Variants in PDZRN3 observed in about 807,000 individuals in gnomAD.
PDZRN3 encodes E3 ubiquitin-protein ligase PDZRN3.
In PDZRN3, 38 loss-of-function variants were observed where a neutral mutation model predicts 85.7. The ratio of observed to expected loss-of-function variants is 0.44; its 90% CI spans 0.34 to 0.58. The LOEUF (loss-of-function observed/expected upper bound fraction) is 0.58, where lower values mean the gene tolerates loss of function less well. Ranked by LOEUF, PDZRN3 falls within the 20% of genes least tolerant of loss-of-function variation. PDZRN3 has a pLI of 0.01. For missense variants in PDZRN3, 1,629 were observed against 1,506.4 expected, an observed-to-expected ratio of 1.08 and a Z score of -1.35; for synonymous variants, 759 against 638.0, an observed-to-expected ratio of 1.19 and a Z score of -2.86.
At chr3:73,549,369 C>T (rs1701499752) in intron 3 of PDZRN3, among the ~76,000 whole-genome samples, 1 of 152,164 alleles carries the variant, frequency 6.6e-6, no homozygotes, top group Admixed American at 6.5e-5. Flanking sequence ...AGAGAAGTTG[C>T]ATGGCAGGAA....
At chr3:73,553,339 C>A (rs886114959) in intron 3 of PDZRN3, among the ~76,000 whole-genome samples, 1 of 151,932 alleles carries the variant, frequency 6.6e-6, no homozygotes, top group Non-Finnish European at 1.5e-5. Flanking sequence ...TTTGGGAGGC[C>A]GAGGCGGGTG....
intron 3 of PDZRN3, among the ~76,000 whole-genome samples, chr3:73,404,936 G>T (rs1009456625): frequency 2.6e-5 from 4 of 152,200 alleles, no homozygotes; most frequent in Admixed American, 2.0e-4. Flanking sequence ...TATGGAGAAG[G>T]AATTCAAATG....
rs1396716270 is a variant in PDZRN3 at position 73,383,427 on chromosome 3, C to T, written c.3139G>A (p.Gly1047Ser). The change falls in exon 10 of 10, where the codon GGC becomes AGC. Residue 1047 changes from glycine (G) to serine (S), a missense_variant. By Grantham distance (56) the Gly-to-Ser change is moderately conservative. Coordinates refer to ENST00000263666, the MANE Select transcript of PDZRN3 (RefSeq NM_015009.3). ...WMTIQELLTH[G>S]TKSPDGTRVY... ...CTAGTGCCGTCCGGGGATTTTGTGC[C>T]GTGGGTTAAGAGTTCTTGGATCGTC... The T allele has an allele frequency of 7.4e-6, 12 of 1,613,874 alleles. No homozygotes were observed. Among genetic ancestry groups the T allele is most frequent in the East Asian group, 2.2e-5 (1 of 44,896 alleles).
chr3:73,592,773 T>C (rs1391837510), intron 3 of PDZRN3, among the ~76,000 whole-genome samples: 1 of 152,156 alleles, frequency 6.6e-6, no homozygotes, highest in African/African-American at 2.4e-5. Flanking sequence ...CCAGTGAAAG[T>C]GGCATAATTG....
chr3:73,610,060 G>T (rs1702658900), intron 1 of PDZRN3, among the ~76,000 whole-genome samples: 1 of 152,160 alleles, frequency 6.6e-6, no homozygotes, highest in Admixed American at 6.5e-5. Flanking sequence ...CTCACGAGTA[G>T]TTATTATACA....
At chr3:73,462,934 C>A (rs965424426) in intron 3 of PDZRN3, among the ~76,000 whole-genome samples, 2 of 152,194 alleles carry the variant, frequency 1.3e-5, no homozygotes, top group African/African-American at 4.8e-5. Flanking sequence ...CCAGGTCTGT[C>A]TTGCTTCCAA....
At chr3:73,608,798 G>T in intron 1 of PDZRN3, 114 bp from the exon 2 acceptor site, 1 of 672,074 alleles carries the variant, frequency 1.5e-6, no homozygotes, top group Non-Finnish European at 2.6e-6. Flanking sequence ...TACAAATCCT[G>T]TTATCTCTTG....
At chr3:73,586,690 A>C (rs1016837098) in intron 3 of PDZRN3, among the ~76,000 whole-genome samples, 1 of 152,210 alleles carries the variant, frequency 6.6e-6, no homozygotes, top group Non-Finnish European at 1.5e-5. Flanking sequence ...CAGAATCCAG[A>C]GTGCAGGCAA....
At chr3:73,566,762 T>C (rs934083440) in intron 3 of PDZRN3, among the ~76,000 whole-genome samples, 12 of 152,308 alleles carry the variant, frequency 7.9e-5, no homozygotes, top group Non-Finnish European at 1.5e-4. Context: ...CTAGAGCTTC[T>C]TGGAAAGCTC....
At chr3:73,482,838 T>C (rs1230123933) in intron 3 of PDZRN3, among the ~76,000 whole-genome samples, 1 of 152,240 alleles carries the variant, frequency 6.6e-6, no homozygotes, top group Non-Finnish European at 1.5e-5. Context: ...CAACCTGTTG[T>C]TTATTCAGTG....
At chr3:73,460,783 ATTTG>A (rs1703087712) in intron 3 of PDZRN3, among the ~76,000 whole-genome samples, 1 of 152,098 alleles carries the variant, frequency 6.6e-6, no homozygotes, top group East Asian at 1.9e-4. Flanking sequence ...AAACACAGAG[ATTTG>A]TTTTTTATTT....
intron 8 of PDZRN3, among the ~76,000 whole-genome samples, chr3:73,386,601 AAAT>A (rs1701395199): frequency 2.6e-5 from 4 of 152,228 alleles, no homozygotes; most frequent in Non-Finnish European, 5.9e-5. Flanking sequence ...GTATTTTTAT[AAAT>A]AATAATAAAA....
chr3:73,504,620 T>C (rs568420087), intron 3 of PDZRN3, among the ~76,000 whole-genome samples: 1 of 152,314 alleles, frequency 6.6e-6, no homozygotes, highest in South Asian at 2.1e-4. Flanking sequence ...GGTTGGTGAT[T>C]ACAGATCTGA....
intron 3 of PDZRN3, among the ~76,000 whole-genome samples, chr3:73,560,841 T>C (rs1701800952): frequency 6.6e-6 from 1 of 152,176 alleles, no homozygotes; most frequent in Non-Finnish European, 1.5e-5. Context: ...GAAAGCCCCC[T>C]AGGCTCCAGG....
intron 7 of PDZRN3, 128 bp downstream of exon 7, chr3:73,389,688 A>G: frequency 1.4e-6 from 1 of 711,874 alleles, no homozygotes; most frequent in Middle Eastern, 3.0e-4. Flanking sequence ...TGGCCTCACT[A>G]CACATCTGCG....
chr3:73,561,222 T>G (rs1278519292), intron 3 of PDZRN3, among the ~76,000 whole-genome samples: 1 of 152,224 alleles, frequency 6.6e-6, no homozygotes, highest in Admixed American at 6.5e-5. Context: ...GTTTTTACAT[T>G]TGCCAAACTG....
chr3:73,482,412 A>T (rs1703580554), intron 3 of PDZRN3, among the ~76,000 whole-genome samples: 1 of 152,194 alleles, frequency 6.6e-6, no homozygotes, highest in African/African-American at 2.4e-5. Flanking sequence ...TTCTAAAAAA[A>T]ATAGTGGACA....
chr3:73,390,491 G>C (rs557691848), intron 6 of PDZRN3, among the ~76,000 whole-genome samples: 1 of 152,216 alleles, frequency 6.6e-6, no homozygotes, highest in South Asian at 2.1e-4. Flanking sequence ...GCACTGTAAA[G>C]TTTCCATACT....
In PDZRN3 at chr3:73,415,957, G is replaced by C. The variant is rs578032301; in HGVS notation, c.919-11562C>G. On this transcript the variant is annotated intron_variant, in intron 3 of 9. Coordinates refer to ENST00000263666, the MANE Select transcript of PDZRN3 (RefSeq NM_015009.3). ...GTCACATACTGGACATTTGCCAAGA[G>C]AGTAGATTTTTAGGTACTTTCATCA... is the stretch of plus-strand genomic sequence containing the variant. Among the ~76,000 whole-genome samples, 22 of 141,012 alleles carry C rather than the reference G, an allele frequency of 1.6e-4. 1 individual carries two copies. The South Asian group carries it at 4.9e-3, about 31-fold the overall frequency. 92.5% of individuals were successfully genotyped at this position (141,012 alleles called of 152,430 possible).
Sources: gnomAD v4.1 joint callset for allele counts (sites outside exome capture counted in the v4.1 genomes callset) on GRCh38, gnomAD v4.1.1 for gene constraint, MANE v1.5 for transcripts, NCBI Gene and HGNC (gene_info 2026-07-23, HGNC 2026-07-21) for gene names.